The following RASSF8 variants were observed in gnomAD, a reference collection of about 807,000 sequenced individuals.
RASSF8 encodes the protein Ras association domain family member 8, also known as ras association domain-containing protein 8.
In RASSF8, 22 loss-of-function variants were observed where a neutral mutation model predicts 48.5. That is an observed-to-expected ratio of 0.45 (90% CI 0.32 to 0.65). The LOEUF (loss-of-function observed/expected upper bound fraction) is 0.65, where lower values mean the gene tolerates loss of function less well. Ranked by LOEUF, RASSF8 falls within the 30% of genes least tolerant of loss-of-function variation. The pLI is 0.03. For missense variants in RASSF8, 418 were observed against 489.2 expected (o/e 0.85, Z 1.37); for synonymous variants, 127 against 171.5 (o/e 0.74, Z 2.03).
intron 2 of RASSF8, among the ~76,000 whole-genome samples, chr12:26,012,682 C>CTTTTTTTTTT (rs775400464): frequency 3.8e-5 from 5 of 131,800 alleles, no homozygotes; most frequent in East Asian, 2.1e-4. Context: ...GGCCTTTTTT[C>CTTTTTTTTTT]TTTTTTTTTT....
chr12:26,038,608 AACACACACACACACACACACACACACAC>A (rs57536643), intron 2 of RASSF8, among the ~76,000 whole-genome samples: 1 of 144,852 alleles, frequency 6.9e-6, no homozygotes, highest in East Asian at 2.0e-4. Flanking sequence ...TTCTTATTAA[AACACACACACACACACACACACACACAC>A]ACACACACAC....
intron 2 of RASSF8, among the ~76,000 whole-genome samples, chr12:26,049,510 C>T (rs1943444438): frequency 6.6e-6 from 1 of 152,218 alleles, no homozygotes; most frequent in African/African-American, 2.4e-5. Flanking sequence ...TATTCTGCAG[C>T]ATATTGTACT....
chr12:26,018,002 G>T (rs1016628664), intron 2 of RASSF8, among the ~76,000 whole-genome samples: 3 of 152,222 alleles, frequency 2.0e-5, no homozygotes, highest in South Asian at 2.1e-4. Context: ...GTGAGATCAC[G>T]TGATTTCATT....
chr12:26,019,509 T>G (rs576960842), intron 2 of RASSF8, among the ~76,000 whole-genome samples: 21 of 152,022 alleles, frequency 1.4e-4, no homozygotes, highest in Admixed American at 1.4e-3. Flanking sequence ...CAGAACAGAC[T>G]AAATAACATA....
chr12:26,045,819 A>G (rs143529894), intron 2 of RASSF8, among the ~76,000 whole-genome samples: 10 of 152,312 alleles, frequency 6.6e-5, no homozygotes, highest in Non-Finnish European at 8.8e-5. Flanking sequence ...AAATAATTCA[A>G]GTAGTTTGAT....
chr12:26,001,495 G>A (rs187382557), intron 2 of RASSF8, among the ~76,000 whole-genome samples: 3 of 151,930 alleles, frequency 2.0e-5, no homozygotes, highest in East Asian at 3.9e-4. Flanking sequence ...CAAATACATT[G>A]TACAGCTGTG....
At chr12:26,059,432 A>C (rs1165174479) in intron 3 of RASSF8, among the ~76,000 whole-genome samples, 1 of 152,240 alleles carries the variant, frequency 6.6e-6, no homozygotes, top group Non-Finnish European at 1.5e-5. Context: ...TTTATAAAGT[A>C]ATATTATTTA....
intron 2 of RASSF8, among the ~76,000 whole-genome samples, chr12:26,028,179 TTCAC>T (rs1942956195): frequency 1.5e-5 from 2 of 134,956 alleles, no homozygotes; most frequent in Non-Finnish European, 3.4e-5. Flanking sequence ...TTAAAAGTGT[TTCAC>T]TCAGAACTTC....
intron 1 of RASSF8, among the ~76,000 whole-genome samples, chr12:25,976,302 G>C (rs1941603512): frequency 6.6e-6 from 1 of 152,230 alleles, no homozygotes; most frequent in Non-Finnish European, 1.5e-5. Context: ...TTGGCTGTCT[G>C]CAACAAATCA....
downstream of RASSF8, among the ~76,000 whole-genome samples, chr12:26,075,323 A>G (rs1405305422): frequency 6.6e-6 from 1 of 152,234 alleles, no homozygotes; most frequent in Non-Finnish European, 1.5e-5. Flanking sequence ...TTGGCACAGG[A>G]GCAAGGAAAA....
At position 25,959,067 on chromosome 12, in the gene RASSF8, G is replaced by C. The variant is rs1258905546; in HGVS notation, c.-284G>C. Reference sequence around the variant, plus strand: ...CGGGGACGGGCGCTGGGCGGCCGCGGAGCTCCGGGTGCCGCCGCGTCCCCA... The same window carrying C: ...CGGGGACGGGCGCTGGGCGGCCGCGCAGCTCCGGGTGCCGCCGCGTCCCCA... On this transcript the variant is annotated 5_prime_UTR_variant, in exon 1 of 6. Coordinates refer to ENST00000689635, the MANE Select transcript of RASSF8 (RefSeq NM_001394098.1). 2 of 148,530 alleles carry C rather than the reference G, an allele frequency of 1.3e-5. No homozygotes were observed. Among genetic ancestry groups the C allele is most frequent in the African/African-American group, 4.9e-5 (2 of 41,058 alleles). 9.2% of individuals were successfully genotyped at this position (148,530 alleles called of 1,614,324 possible).
intron 1 of RASSF8, among the ~76,000 whole-genome samples, chr12:25,966,492 G>A (rs1397525796): frequency 6.6e-6 from 1 of 152,204 alleles, no homozygotes; most frequent in African/African-American, 2.4e-5. Flanking sequence ...ACAGGCATGA[G>A]CCATGTGTCC....
chr12:26,050,074 C>A (rs1986802), intron 2 of RASSF8, among the ~76,000 whole-genome samples: 57,400 of 152,128 alleles, frequency 0.38, 12,353 homozygotes, highest in Non-Finnish European at 0.49. Context: ...TGAGCCACCA[C>A]GCCCAGCCAA....
intron 1 of RASSF8, among the ~76,000 whole-genome samples, chr12:25,985,753 C>A (rs1220413541): frequency 6.6e-6 from 1 of 152,154 alleles, no homozygotes; most frequent in Non-Finnish European, 1.5e-5. Flanking sequence ...GGGAGGAGAG[C>A]ATGCTTTCAG....
At chr12:26,064,228 A>G (rs1025003018) in intron 3 of RASSF8, among the ~76,000 whole-genome samples, 4 of 152,238 alleles carry the variant, frequency 2.6e-5, no homozygotes, top group African/African-American at 7.2e-5. Flanking sequence ...TGGCAAGAGT[A>G]TAAGAGTCCC....
At chr12:26,019,726 T>C (rs1260826143) in intron 2 of RASSF8, among the ~76,000 whole-genome samples, 1 of 152,184 alleles carries the variant, frequency 6.6e-6, no homozygotes, top group African/African-American at 2.4e-5. Context: ...TAAAAATTAT[T>C]ACTATTTTTT....
At chr12:26,001,688 G>A (rs1334697810) in intron 2 of RASSF8, among the ~76,000 whole-genome samples, 4 of 151,788 alleles carry the variant, frequency 2.6e-5, no homozygotes, top group Non-Finnish European at 1.5e-5. Context: ...AGGTCTTCAG[G>A]GGCTATAACA....
chr12:26,032,056 T>C (rs1346223167), intron 2 of RASSF8, among the ~76,000 whole-genome samples: 2 of 152,194 alleles, frequency 1.3e-5, no homozygotes, highest in African/African-American at 4.8e-5. Flanking sequence ...AGGAGAACTA[T>C]GGTCTTGAGA....
At chr12:26,035,485 A>G (rs1592291696) in intron 2 of RASSF8, among the ~76,000 whole-genome samples, 1 of 129,896 alleles carries the variant, frequency 7.7e-6, no homozygotes. Flanking sequence ...ATAATTATAT[A>G]ATTATATGAA....
Sources: gnomAD v4.1 joint callset for allele counts (sites outside exome capture counted in the v4.1 genomes callset) on GRCh38, gnomAD v4.1.1 for gene constraint, MANE v1.5 for transcripts, NCBI Gene and HGNC (gene_info 2026-07-23, HGNC 2026-07-21) for gene names.